The following TMEM161B variants were observed in gnomAD, a reference collection of about 807,000 sequenced individuals.
TMEM161B encodes transmembrane protein 161B.
In TMEM161B, 34 loss-of-function variants were observed where a neutral mutation model predicts 61.8. That is an observed-to-expected ratio of 0.55 (90% CI 0.42 to 0.73). The LOEUF is 0.73. TMEM161B is among the 30% of genes least tolerant of loss of function. The probability of loss-of-function intolerance (pLI) is 0.00; values close to 1 mark genes in which losing one functional copy is unlikely to be tolerated. For missense variants in TMEM161B, 456 were observed against 558.5 expected (o/e 0.82, Z 1.85); for synonymous variants, 167 against 192.8 (o/e 0.87, Z 1.11).
At chr5:88,257,027 G>C (rs999900505) in intron 1 of TMEM161B, among the ~76,000 whole-genome samples, 1 of 152,148 alleles carries the variant, frequency 6.6e-6, no homozygotes, top group African/African-American at 2.4e-5. Flanking sequence ...TGTAATCTCA[G>C]GGCTTTGGAG....
chr5:88,188,610 A>G (rs1269093044), downstream of TMEM161B, among the ~76,000 whole-genome samples: 5 of 152,210 alleles, frequency 3.3e-5, no homozygotes, highest in Non-Finnish European at 2.9e-5. Flanking sequence ...CAGGCAGAAG[A>G]AAGTGGAATT....
At chr5:88,225,209 C>T (rs866270948) in intron 4 of TMEM161B, among the ~76,000 whole-genome samples, 6 of 152,134 alleles carry the variant, frequency 3.9e-5, no homozygotes, top group Middle Eastern at 3.4e-3. Context: ...CCTCATGATC[C>T]GCCCGCCTTG....
At chr5:88,232,011 C>G (rs1304454870) in intron 2 of TMEM161B, among the ~76,000 whole-genome samples, 1 of 151,858 alleles carries the variant, frequency 6.6e-6, no homozygotes, top group African/African-American at 2.4e-5. Flanking sequence ...TTTTTTAGTT[C>G]TGTGTGTCAT....
At chr5:88,202,809 G>T in intron 9 of TMEM161B, 153 bp downstream of exon 9, 1 of 673,438 alleles carries the variant, frequency 1.5e-6, no homozygotes. Context: ...ATGATGGTCT[G>T]TAGTTTCAAT....
chr5:88,207,254 G>T, intron 5 of TMEM161B, 74 bp from the exon 6 acceptor site: 1 of 1,356,510 alleles, frequency 7.4e-7, no homozygotes, highest in Non-Finnish European at 9.9e-7. Flanking sequence ...TATAGGACTT[G>T]ATTGCAATAA....
At chr5:88,193,311 C>T (rs1014030163), downstream of TMEM161B, among the ~76,000 whole-genome samples, 1 of 151,878 alleles carries the variant, frequency 6.6e-6, no homozygotes, top group South Asian at 2.1e-4. Flanking sequence ...CAAACACATA[C>T]AATAAAAATA....
chr5:88,213,463 CA>C (rs950428790), intron 5 of TMEM161B, among the ~76,000 whole-genome samples: 6 of 151,978 alleles, frequency 3.9e-5, no homozygotes, highest in African/African-American at 1.2e-4. Context: ...CGCCATTCCA[CA>C]AAAAAAGCTT....
chr5:88,231,764 C>T (rs1164248014), intron 2 of TMEM161B, among the ~76,000 whole-genome samples: 2 of 152,096 alleles, frequency 1.3e-5, no homozygotes, highest in Non-Finnish European at 2.9e-5. Context: ...TATAAAGTTG[C>T]CACAAACACT....
At chr5:88,193,237 G>A (rs138073131), downstream of TMEM161B, among the ~76,000 whole-genome samples, 8 of 152,070 alleles carry the variant, frequency 5.3e-5, no homozygotes, top group Admixed American at 2.6e-4. Context: ...TGGGGTAGTC[G>A]GAAAGACAGG....
chr5:88,204,237 C>T (rs1745012785), intron 8 of TMEM161B, among the ~76,000 whole-genome samples: 1 of 152,100 alleles, frequency 6.6e-6, no homozygotes, highest in Admixed American at 6.6e-5. Flanking sequence ...TCATGTTACT[C>T]TCACAACAGA....
At chr5:88,192,024 A>G (rs4610489), downstream of TMEM161B, among the ~76,000 whole-genome samples, 8,334 of 51,170 alleles carry the variant, frequency 0.16, 1,404 homozygotes, top group African/African-American at 0.37. Context: ...ATATATATAT[A>G]TATGTATATA....
intron 1 of TMEM161B, among the ~76,000 whole-genome samples, chr5:88,263,746 A>G (rs1755992607): frequency 6.6e-6 from 1 of 152,204 alleles, no homozygotes; most frequent in Non-Finnish European, 1.5e-5. Context: ...TGCGGAGAAA[A>G]CAAAAGAACC....
At chr5:88,254,834 T>A (rs1285205673) in intron 1 of TMEM161B, among the ~76,000 whole-genome samples, 1 of 150,866 alleles carries the variant, frequency 6.6e-6, no homozygotes, top group Non-Finnish European at 1.5e-5. Context: ...TGAGACCCTC[T>A]GTAACTGTAA....
chr5:88,187,885 C>T (rs1019137558), downstream of TMEM161B, among the ~76,000 whole-genome samples: 1 of 152,098 alleles, frequency 6.6e-6, no homozygotes, highest in Non-Finnish European at 1.5e-5. Context: ...GAATGGGAAA[C>T]TTTAAATTTT....
At position 88,195,700 on chromosome 5, in the gene TMEM161B, G is replaced by A. The variant is rs1283043444; in HGVS notation, c.*511C>T. On this transcript the variant is annotated 3_prime_UTR_variant, in exon 12 of 12. Coordinates refer to ENST00000296595, the MANE Select transcript of TMEM161B (RefSeq NM_153354.5). ...GCTTTCTTTACTGTAATATACAGTAGCTATCTCTTCCTTTCTGTTGGATTT... is the reference window on the plus strand; with the variant it reads ...GCTTTCTTTACTGTAATATACAGTAACTATCTCTTCCTTTCTGTTGGATTT... 1.0e-6 allele frequency: 1 copy of A among 984,986 alleles called. No homozygotes were observed. The highest frequency in any genetic ancestry group is 1.2e-6 in the Non-Finnish European group (1 of 829,340). The allele number at this position is 984,986 out of a possible 1,614,324, so 61.0% of individuals were successfully genotyped here.
Position 88,225,817 on chromosome 5 carries a change from T to C in TMEM161B, c.241A>G (p.Ile81Val), listed in dbSNP as rs1482846836. ...GACTTTGTTTCTAGATGAAGGTCAA[T>C]ATCCTTTGGAATGGTTAATGGCTTA... Reference protein sequence around the residue: ...ESKPLTIPKDIDLHLETKSVT... With the variant: ...ESKPLTIPKDVDLHLETKSVT... Residue 81 changes from isoleucine (I) to valine (V), a missense_variant, in exon 4 of 12, where the codon ATT becomes GTT. Physicochemically the swap from Ile to Val is conservative, Grantham distance 29. Transcript: ENST00000296595. 6.2e-7 allele frequency: 1 copy of C among 1,611,850 alleles called. No individual in the cohort carries two copies. The highest frequency in any genetic ancestry group is 8.5e-7 in the Non-Finnish European group (1 of 1,179,012).
chr5:88,214,386 C>G (rs901678155), intron 5 of TMEM161B, among the ~76,000 whole-genome samples: 5 of 151,836 alleles, frequency 3.3e-5, no homozygotes, highest in African/African-American at 4.8e-5. Context: ...TCTTCTCACT[C>G]AAATTCACAT....
intron 5 of TMEM161B, among the ~76,000 whole-genome samples, chr5:88,220,237 G>A (rs1014455274): frequency 4.0e-5 from 6 of 151,834 alleles, no homozygotes; most frequent in African/African-American, 1.5e-4. Flanking sequence ...GAGGGAGAAA[G>A]GTGCAATAAT....
chr5:88,209,795 G>A (rs1228803118), intron 5 of TMEM161B, among the ~76,000 whole-genome samples: 1 of 152,116 alleles, frequency 6.6e-6, no homozygotes. Flanking sequence ...ACCTCAATCA[G>A]AATAGTGTAC....
Sources: allele counts gnomAD v4.1 joint callset (sites outside exome capture counted in the v4.1 genomes callset), GRCh38; gene constraint gnomAD v4.1.1; transcripts MANE v1.5; gene names NCBI Gene and HGNC (gene_info 2026-07-23, HGNC 2026-07-21).